PCDHA2: variants seen among roughly 807,000 people sequenced by gnomAD.
PCDHA2 encodes the protein protocadherin alpha 2.
In PCDHA2, 58 loss-of-function variants were observed where a neutral mutation model predicts 66.0. That is an observed-to-expected ratio of 0.88 (90% CI 0.71 to 1.09). The LOEUF is 1.09. Among genes scored for constraint, PCDHA2 ranks in the 50% least tolerant of loss-of-function variants. The pLI, the probability that PCDHA2 is intolerant of heterozygous loss-of-function variation, is 0.00. For missense variants in PCDHA2, 1,267 were observed against 1,242.3 expected (o/e 1.02, Z -0.30); for synonymous variants, 634 against 554.0 (o/e 1.14, Z -2.03).
intron 1 of PCDHA2, chr5:140,849,385 C>T: frequency 1.3e-6 from 2 of 1,527,726 alleles, no homozygotes; most frequent in South Asian, 2.3e-5. Context: ...CACATGGACC[C>T]CTTAAGTGGG....
intron 1 of PCDHA2, among the ~76,000 whole-genome samples, chr5:140,936,016 C>T (rs1170221921): frequency 6.6e-6 from 1 of 151,732 alleles, no homozygotes; most frequent in Non-Finnish European, 1.5e-5. Context: ...CCTCAGCCTC[C>T]CGAGTAGCGG....
chr5:140,980,363 G>A (rs1477868054), intron 2 of PCDHA2, among the ~76,000 whole-genome samples: 1 of 152,204 alleles, frequency 6.6e-6, no homozygotes, highest in Non-Finnish European at 1.5e-5. Context: ...TGGGCGCGGT[G>A]GCTCACACCT....
intron 1 of PCDHA2, chr5:140,877,449 G>A: frequency 1.2e-6 from 2 of 1,613,848 alleles, no homozygotes; most frequent in Non-Finnish European, 1.7e-6. Flanking sequence ...AGCCCGCGCT[G>A]ACGTCCACGG....
At chr5:140,973,068 G>T (rs1563422416) in intron 1 of PCDHA2, among the ~76,000 whole-genome samples, 1 of 152,140 alleles carries the variant, frequency 6.6e-6, no homozygotes, top group Non-Finnish European at 1.5e-5. Context: ...CAGTGTCTCA[G>T]TGGGCCCAGC....
At chr5:140,802,163 C>T in intron 1 of PCDHA2, 1 of 1,614,140 alleles carries the variant, frequency 6.2e-7, no homozygotes, top group Non-Finnish European at 8.5e-7. Flanking sequence ...AGGTAGAAGC[C>T]ACGGATAAAG....
intron 1 of PCDHA2, among the ~76,000 whole-genome samples, chr5:140,950,294 C>T (rs1396440202): frequency 6.6e-6 from 1 of 151,970 alleles, no homozygotes; most frequent in African/African-American, 2.4e-5. Context: ...ACCTGAAAAA[C>T]TTTACTTAGC....
intron 1 of PCDHA2, chr5:140,849,900 C>T: frequency 6.3e-7 from 1 of 1,598,532 alleles, no homozygotes; most frequent in East Asian, 2.2e-5. Flanking sequence ...GGAGAACAAC[C>T]CGCCGGGCTG....
Position 140,795,945 on chromosome 5 carries a change from C to A in PCDHA2, c.981C>A (p.Thr327=). Residue 327 remains threonine (T), a synonymous_variant, in exon 1 of 4, where the codon ACC becomes ACA. Transcript: ENST00000526136. ...AGGTCACTGCAACTGACAAAGGAAC[C>A]CCTTCAATGTCAGGACATTGTAAAA... ...EIQVTATDKG[T]PSMSGHCKIS... 6.2e-7 allele frequency: 1 copy of A among 1,613,786 alleles called. No homozygotes were observed. The highest frequency in any genetic ancestry group is 8.5e-7 in the Non-Finnish European group (1 of 1,179,792).
At chr5:140,815,530 T>TACAC (rs2126665265) in intron 1 of PCDHA2, 1 of 102,342 alleles carries the variant, frequency 9.8e-6, no homozygotes, top group Non-Finnish European at 2.0e-5. Context: ...TTATATTGTG[T>TACAC]ATACATTATT....
At chr5:140,846,140 T>C (rs1780219346) in intron 1 of PCDHA2, among the ~76,000 whole-genome samples, 1 of 149,740 alleles carries the variant, frequency 6.7e-6, no homozygotes, top group Non-Finnish European at 1.5e-5. Context: ...GTTTCCCATA[T>C]TTAAAAGTTG....
chr5:140,986,291 A>C (rs1554247870), intron 3 of PCDHA2, among the ~76,000 whole-genome samples: 1 of 152,142 alleles, frequency 6.6e-6, no homozygotes, highest in East Asian at 1.9e-4. Context: ...CTTGAGACTG[A>C]GCAGAGAGAG....
intron 1 of PCDHA2, among the ~76,000 whole-genome samples, chr5:140,959,594 A>G (rs1420498368): frequency 6.6e-6 from 1 of 152,220 alleles, no homozygotes; most frequent in African/African-American, 2.4e-5. Flanking sequence ...TCAGCCAAGT[A>G]TAACATGCTT....
intron 3 of PCDHA2, among the ~76,000 whole-genome samples, chr5:140,985,312 G>C (rs961087434): frequency 2.0e-5 from 3 of 152,102 alleles, no homozygotes; most frequent in Non-Finnish European, 2.9e-5. Flanking sequence ...TAGCCTGGTG[G>C]CCAGAATTCA....
chr5:140,990,332 T>C (rs1458187543), intron 3 of PCDHA2, among the ~76,000 whole-genome samples: 1 of 152,100 alleles, frequency 6.6e-6, no homozygotes, highest in Non-Finnish European at 1.5e-5. Flanking sequence ...ACTTTAAAAA[T>C]AAGTAAAGCC....
chr5:140,797,207 G>T lies in PCDHA2; in HGVS notation c.2243G>T (p.Trp748Leu), dbSNP rs781924677. 32 of 1,614,194 alleles carry T rather than the reference G, an allele frequency of 2.0e-5. No homozygotes were observed. Among genetic ancestry groups the T allele is most frequent in the Non-Finnish European group, 2.6e-5 (31 of 1,180,038 alleles). Residue 748 changes from tryptophan (W) to leucine (L), a missense_variant, in exon 1 of 4, where the codon TGG (tryptophan) becomes TTG (leucine). By Grantham distance (61) the Trp-to-Leu change is moderately conservative. Coordinates refer to ENST00000526136, the MANE Select transcript of PCDHA2 (RefSeq NM_018905.3). The part of the protein sequence containing the change: ...TLVCSSAVGS[W>L]SYSQQRRQRV... The stretch of plus-strand genomic sequence containing the variant: ...GTGTGCTCCAGCGCCGTGGGGAGCT[G>T]GTCTTACTCGCAGCAGAGGCGGCAG...
In PCDHA2 at chr5:140,796,761, T is replaced by A. The variant is rs151307182; in HGVS notation, c.1797T>A (p.Ala599=). 2 of 1,614,150 alleles carry A rather than the reference T, an allele frequency of 1.2e-6. No individual in the cohort carries two copies. Among genetic ancestry groups the A allele is most frequent in the Non-Finnish European group, 1.7e-6 (2 of 1,179,978 alleles). The change falls in exon 1 of 4, where the codon GCT becomes GCA. Residue 599 remains alanine, a synonymous_variant. Transcript: ENST00000526136. ...TGGCGAAGGTGCGCGCAGTGGACGC[T>A]GACTCAGGCTACAACGCGTGGCTTT... ...HVVAKVRAVD[A]DSGYNAWLSY...
At position 140,871,188 on chromosome 5, in the gene PCDHA2, C is replaced by G. The variant is rs782347896; in HGVS notation, c.2388+73836C>G. Reference sequence around the variant, plus strand: ...GCCCAGAGGCTGCGCTGGTGGATGTCAACGTGTACCTGATCATCGCCATCT... The same window carrying G: ...GCCCAGAGGCTGCGCTGGTGGATGTGAACGTGTACCTGATCATCGCCATCT... On this transcript the variant is annotated intron_variant, in intron 1 of 3. Transcript: ENST00000526136. 9.9e-6 allele frequency: 16 copies of G among 1,613,638 alleles called. 1 individual carries two copies. In the South Asian group the frequency reaches 1.8e-4, roughly 18 times the overall value.
In PCDHA2 at chr5:140,795,995, A is replaced by G. The variant is rs1295846717; in HGVS notation, c.1031A>G (p.Asn344Ser). The G allele has an allele frequency of 6.2e-7, 1 of 1,614,056 alleles. No individual in the cohort carries two copies. The highest frequency in any genetic ancestry group is 8.5e-7 in the Non-Finnish European group (1 of 1,180,036). The part of the protein sequence containing the change: ...CKISLKLVDI[N>S]DNTPEVSITS... ...ATTTCATTAAAACTTGTGGACATCA[A>G]TGATAACACACCAGAAGTCTCAATA... The change falls in exon 1 of 4, where the codon AAT becomes AGT. Residue 344 changes from asparagine (N) to serine (S), a missense_variant. Coordinates refer to ENST00000526136, the MANE Select transcript of PCDHA2 (RefSeq NM_018905.3).
Position 140,979,705 on chromosome 5 carries a change from G to A in PCDHA2, c.2447+698G>A, listed in dbSNP as rs138804576. Among the ~76,000 whole-genome samples, 597 of 152,336 alleles carry A rather than the reference G, an allele frequency of 3.9e-3. 4 individuals carry two copies. The highest frequency in any genetic ancestry group is 0.014 in the African/African-American group (562 of 41,570). On this transcript the variant is annotated intron_variant, in intron 2 of 3. Coordinates refer to ENST00000526136, the MANE Select transcript of PCDHA2 (RefSeq NM_018905.3). ...ATTAACTACCATTATTTCTGGAGGT[G>A]ATCCAGTATCCATGCCATGGGGCCA... is the stretch of plus-strand genomic sequence containing the variant.
Sources: gnomAD v4.1 joint callset for allele counts (sites outside exome capture counted in the v4.1 genomes callset) on GRCh38, gnomAD v4.1.1 for gene constraint, MANE v1.5 for transcripts, NCBI Gene and HGNC (gene_info 2026-07-23, HGNC 2026-07-21) for gene names.